The following REEP1 variants were observed in gnomAD, a reference collection of about 807,000 sequenced individuals.
REEP1 encodes the protein receptor expression-enhancing protein 1.
REEP1 carries 22 observed loss-of-function variants against 40.3 expected under a neutral mutation model. The observed-to-expected ratio is 0.55, with a 90% CI of 0.39 to 0.78. The LOEUF is 0.78. Ranked by LOEUF, REEP1 falls within the 30% of genes least tolerant of loss-of-function variation. The probability of loss-of-function intolerance (pLI) is 0.00; values close to 1 mark genes in which losing one functional copy is unlikely to be tolerated. For synonymous variants in REEP1, 116 were observed against 139.2 expected, an observed-to-expected ratio of 0.83 and a Z score of 1.17; for missense variants, 280 against 361.1, an observed-to-expected ratio of 0.78 and a Z score of 1.82.
chr2:86,232,716 C>T lies in REEP1; in HGVS notation c.504G>A (p.Ser168=), dbSNP rs762195996. 2.3e-5 allele frequency: 37 copies of T among 1,610,298 alleles called. No individual in the cohort carries two copies. Among genetic ancestry groups the T allele is most frequent in the African/African-American group, 4.0e-5 (3 of 74,936 alleles). The stretch of plus-strand genomic sequence containing the variant: ...GCCCAGACCCCGGTGGTGGGGGGCC[C>T]GAGGGAGCAGGGGCGCCGTCTCCCC... ...TIRGDGAPAP[S]GPPPPGSGRA... The change falls in exon 6 of 9, where the codon TCG becomes TCA. Residue 168 remains serine (S), a synonymous_variant. Transcript: ENST00000538924.
rs1674035097 is a variant in REEP1, at chr2:86,215,083, A to T, written c.*1956T>A. ...TGATAATTCTGGGTACTTCCAACTA[A>T]CAGGTAAATACATTTTAAAGAGTAT... On this transcript the variant is annotated 3_prime_UTR_variant, in exon 9 of 9. Coordinates refer to ENST00000538924, the MANE Select transcript of REEP1 (RefSeq NM_001371279.1). 2.1e-5 allele frequency: 3 copies of T among 145,510 alleles called. No homozygotes were observed. The South Asian group carries it at 6.3e-4, about 31-fold the overall frequency. The allele number at this position is 145,510 out of a possible 1,614,324, so 9.0% of individuals were successfully genotyped here.
chr2:86,325,340 C>T (rs1319427047), intron 1 of REEP1, among the ~76,000 whole-genome samples: 1 of 152,176 alleles, frequency 6.6e-6, no homozygotes, highest in African/African-American at 2.4e-5. Context: ...TAGATGAACT[C>T]CCCTCAGCCT....
chr2:86,275,533 A>C, intron 2 of REEP1, among the ~76,000 whole-genome samples: 1 of 151,654 alleles, frequency 6.6e-6, no homozygotes, highest in Admixed American at 6.6e-5. Context: ...AACCATAACC[A>C]CCCCAGAGCC....
chr2:86,266,210 A>G (rs1677125506), intron 2 of REEP1, among the ~76,000 whole-genome samples: 1 of 152,262 alleles, frequency 6.6e-6, no homozygotes, highest in African/African-American at 2.4e-5. Context: ...ATATACAAAA[A>G]TTAACTTCAA....
At chr2:86,332,714 C>T (rs1680833644) in intron 1 of REEP1, among the ~76,000 whole-genome samples, 1 of 152,228 alleles carries the variant, frequency 6.6e-6, no homozygotes, top group African/African-American at 2.4e-5. Flanking sequence ...TGCATGAAAG[C>T]TACTTCTCAG....
intron 5 of REEP1, among the ~76,000 whole-genome samples, chr2:86,236,126 GA>G (rs1452420591): frequency 6.6e-6 from 1 of 151,622 alleles, no homozygotes; most frequent in African/African-American, 2.4e-5. Context: ...TGAGGCAGGA[GA>G]ATCTTTTGAA....
chr2:86,336,515 T>G (rs1448966348), intron 1 of REEP1, among the ~76,000 whole-genome samples: 1 of 152,162 alleles, frequency 6.6e-6, no homozygotes, highest in African/African-American at 2.4e-5. Context: ...CACACCCATT[T>G]CAGCCCCTGC....
At chr2:86,295,296 G>A (rs138898015) in intron 1 of REEP1, among the ~76,000 whole-genome samples, 3 of 152,228 alleles carry the variant, frequency 2.0e-5, no homozygotes, top group East Asian at 3.9e-4. Flanking sequence ...TGTACCTCTC[G>A]CACACCTGCC....
chr2:86,231,754 C>T (rs1346377744), intron 6 of REEP1, among the ~76,000 whole-genome samples: 1 of 152,138 alleles, frequency 6.6e-6, no homozygotes, highest in Non-Finnish European at 1.5e-5. Context: ...CCCTGAGACC[C>T]AAGGCCCCTG....
chr2:86,297,336 G>A (rs892429592), intron 1 of REEP1, among the ~76,000 whole-genome samples: 1 of 152,238 alleles, frequency 6.6e-6, no homozygotes, highest in African/African-American at 2.4e-5. Context: ...GAGCCCAGAA[G>A]CCTCACTTGT....
intron 7 of REEP1, among the ~76,000 whole-genome samples, chr2:86,223,003 T>C (rs1465446836): frequency 1.3e-5 from 2 of 152,190 alleles, no homozygotes; most frequent in Non-Finnish European, 2.9e-5. Context: ...AGTACTCTAA[T>C]TGGCTCCCAG....
chr2:86,321,118 C>T lies in REEP1; in HGVS notation c.32+16361G>A, dbSNP rs185172025. 7.2e-5 allele frequency among the ~76,000 whole-genome samples: 11 copies of T among 152,102 alleles called. No individual in the cohort carries two copies. In the East Asian group the frequency reaches 1.4e-3, roughly 19 times the overall value. ...TACAGGTGTGAGACACCGCACCCGG[C>T]CAAAATGAAGAGACTTGAAAGACAG... On this transcript the variant is annotated intron_variant, in intron 1 of 8. Coordinates refer to ENST00000538924, the MANE Select transcript of REEP1 (RefSeq NM_001371279.1).
intron 7 of REEP1, among the ~76,000 whole-genome samples, chr2:86,226,632 C>CTT (rs377324951): frequency 0.013 from 1,863 of 139,416 alleles, 18 homozygotes; most frequent in Non-Finnish European, 0.018. Context: ...GCACACCTGG[C>CTT]TTTTTTTTTT....
chr2:86,253,498 C>T (rs922281591), intron 4 of REEP1, among the ~76,000 whole-genome samples: 1 of 152,188 alleles, frequency 6.6e-6, no homozygotes, highest in African/African-American at 2.4e-5. Flanking sequence ...GCCTGTCCCC[C>T]ACCACCACCC....
intron 5 of REEP1, among the ~76,000 whole-genome samples, chr2:86,245,204 G>A (rs1675869024): frequency 6.6e-6 from 1 of 152,146 alleles, no homozygotes; most frequent in African/African-American, 2.4e-5. Context: ...GTATACTGTT[G>A]GGAAAAGGGC....
chr2:86,284,986 T>G (rs560063560), intron 1 of REEP1, among the ~76,000 whole-genome samples: 3 of 152,370 alleles, frequency 2.0e-5, no homozygotes, highest in African/African-American at 7.2e-5. Flanking sequence ...AATGGTCAGT[T>G]CTTCTTAACC....
At chr2:86,296,412 T>C (rs1435515787) in intron 1 of REEP1, among the ~76,000 whole-genome samples, 1 of 152,260 alleles carries the variant, frequency 6.6e-6, no homozygotes, top group East Asian at 1.9e-4. Context: ...AATGTGAGAT[T>C]TCAAAGCTTA....
Position 86,299,692 on chromosome 2 carries a change from A to C in REEP1, c.33-17450T>G, listed in dbSNP as rs181090064. Among the ~76,000 whole-genome samples the C allele has an allele frequency of 6.5e-4, 99 of 152,330 alleles. 2 individuals carry two copies. The South Asian group carries it at 9.5e-3, about 15-fold the overall frequency. ...AAGCCACAACACCATCTAGAGTAGC[A>C]ATTAATATTGGCTACTATTTATTGG... On this transcript the variant is annotated intron_variant, in intron 1 of 8. Transcript: ENST00000538924.
chr2:86,235,971 C>T (rs1313663112), intron 5 of REEP1, among the ~76,000 whole-genome samples: 1 of 152,258 alleles, frequency 6.6e-6, no homozygotes, highest in Middle Eastern at 3.4e-3. Context: ...AATCCCAGCA[C>T]TTTGGGAGGC....
Sources: allele counts gnomAD v4.1 joint callset (sites outside exome capture counted in the v4.1 genomes callset), GRCh38; gene constraint gnomAD v4.1.1; transcripts MANE v1.5; gene names NCBI Gene and HGNC (gene_info 2026-07-23, HGNC 2026-07-21).